RBMS3: variants seen among roughly 807,000 people sequenced by gnomAD.
The protein encoded by RBMS3 is RNA binding motif single stranded interacting protein 3.
RBMS3 carries 27 observed loss-of-function variants against 66.8 expected under a neutral mutation model. The ratio of observed to expected loss-of-function variants is 0.40; its 90% confidence interval spans 0.30 to 0.56. RBMS3 has a LOEUF of 0.56. RBMS3 is among the 20% of genes least tolerant of loss of function. RBMS3 has a pLI of 0.40. For synonymous variants in RBMS3, 188 were observed against 183.0 expected (o/e 1.03, Z -0.22); for missense variants, 513 against 549.5 (o/e 0.93, Z 0.66).
At chr3:29,372,077 C>T (rs766668708) in intron 1 of RBMS3, among the ~76,000 whole-genome samples, 8 of 152,048 alleles carry the variant, frequency 5.3e-5, no homozygotes, top group Admixed American at 1.3e-4. Flanking sequence ...AGGAAGACAC[C>T]GTAGAAGTGC....
At chr3:29,659,386 A>G (rs999738678) in intron 4 of RBMS3, among the ~76,000 whole-genome samples, 4 of 151,974 alleles carry the variant, frequency 2.6e-5, no homozygotes, top group Admixed American at 6.6e-5. Context: ...ATAATTCCCT[A>G]TTCCCCCATT....
chr3:29,491,638 G>T (rs1157785271), intron 3 of RBMS3, among the ~76,000 whole-genome samples: 1 of 152,174 alleles, frequency 6.6e-6, no homozygotes, highest in Non-Finnish European at 1.5e-5. Context: ...AGGGAAGGAG[G>T]AAAGACGGGG....
intron 10 of RBMS3, among the ~76,000 whole-genome samples, chr3:29,923,563 T>G (rs2060850501): frequency 6.6e-6 from 1 of 152,072 alleles, no homozygotes; most frequent in African/African-American, 2.4e-5. Flanking sequence ...TTCATTTCCT[T>G]GCCTATCCCA....
At chr3:29,957,005 A>G (rs1355189205) in intron 12 of RBMS3, among the ~76,000 whole-genome samples, 1 of 152,130 alleles carries the variant, frequency 6.6e-6, no homozygotes, top group Non-Finnish European at 1.5e-5. Flanking sequence ...GTAGATAAAC[A>G]TGAGCAAATC....
At chr3:29,522,563 G>A (rs902315764) in intron 3 of RBMS3, among the ~76,000 whole-genome samples, 8 of 152,156 alleles carry the variant, frequency 5.3e-5, no homozygotes, top group African/African-American at 1.7e-4. Context: ...CCTAGGTCTA[G>A]AGGATTGTGG....
At chr3:29,661,542 T>C (rs2050549622) in intron 4 of RBMS3, among the ~76,000 whole-genome samples, 1 of 151,964 alleles carries the variant, frequency 6.6e-6, no homozygotes, top group African/African-American at 2.4e-5. Flanking sequence ...CACTACTGTT[T>C]CTGTTAATAT....
intron 6 of RBMS3, among the ~76,000 whole-genome samples, chr3:29,831,109 A>G (rs2058359035): frequency 6.6e-6 from 1 of 152,188 alleles, no homozygotes; most frequent in African/African-American, 2.4e-5. Context: ...AGAACTTTTG[A>G]CTGCCTGAAA....
At chr3:29,452,848 G>A (rs1365483989) in intron 2 of RBMS3, among the ~76,000 whole-genome samples, 3 of 152,108 alleles carry the variant, frequency 2.0e-5, no homozygotes, top group African/African-American at 4.8e-5. Flanking sequence ...AGGTAAAGCT[G>A]GGTCCTCAAC....
intron 1 of RBMS3, among the ~76,000 whole-genome samples, chr3:29,283,625 T>C (rs142500532): frequency 9.9e-5 from 15 of 152,276 alleles, no homozygotes; most frequent in South Asian, 4.1e-4. Context: ...ACTCTCAAGC[T>C]AGCCAACACC....
Position 29,516,435 on chromosome 3 carries a change from G to GTT in RBMS3, c.307+27944_307+27945dup, listed in dbSNP as rs796090712. The stretch of plus-strand genomic sequence containing the variant: ...AAAGCCTGAAGACTATGGAGAGGAA[G>GTT]TTTTTTTTTGTTTGTTTTTGTTTTT... On this transcript the variant is annotated intron_variant, in intron 3 of 14. Transcript: ENST00000383767. Among the ~76,000 whole-genome samples, 4 of 151,350 alleles carry GTT rather than the reference G, an allele frequency of 2.6e-5. No homozygotes were observed. In the East Asian group the frequency reaches 7.8e-4, roughly 30 times the overall value.
intron 1 of RBMS3, among the ~76,000 whole-genome samples, chr3:29,303,883 G>A (rs974150411): frequency 6.6e-6 from 1 of 151,986 alleles, no homozygotes; most frequent in Admixed American, 6.6e-5. Context: ...GGTGGGAGGT[G>A]AAAGGCACTT....
chr3:29,404,684 G>C (rs925361639), intron 1 of RBMS3, among the ~76,000 whole-genome samples: 16 of 152,052 alleles, frequency 1.1e-4, no homozygotes, highest in Non-Finnish European at 1.8e-4. Context: ...GGATAATCAT[G>C]ATGAGTTAGC....
intron 4 of RBMS3, among the ~76,000 whole-genome samples, chr3:29,659,054 T>C (rs531892125): frequency 6.6e-6 from 1 of 152,220 alleles, no homozygotes; most frequent in South Asian, 2.1e-4. Flanking sequence ...CCTGACCTCG[T>C]AATCTGCCCG....
chr3:29,695,923 C>G (rs1447123644), intron 4 of RBMS3, among the ~76,000 whole-genome samples: 1 of 152,150 alleles, frequency 6.6e-6, no homozygotes, highest in Non-Finnish European at 1.5e-5. Context: ...GTTGTTTGAA[C>G]TGGTCAAATT....
chr3:29,523,095 G>C (rs2044930690), intron 3 of RBMS3, among the ~76,000 whole-genome samples: 2 of 152,148 alleles, frequency 1.3e-5, no homozygotes, highest in African/African-American at 4.8e-5. Flanking sequence ...GGAAACTGAA[G>C]CACAGTAACA....
At chr3:29,338,440 G>A (rs371592495) in intron 1 of RBMS3, among the ~76,000 whole-genome samples, 15 of 152,142 alleles carry the variant, frequency 9.9e-5, no homozygotes, top group African/African-American at 3.6e-4. Context: ...TAAAGGTTTA[G>A]AATAGTAGTT....
chr3:29,972,057 A>C (rs1440346012), intron 12 of RBMS3, among the ~76,000 whole-genome samples: 2 of 152,154 alleles, frequency 1.3e-5, no homozygotes, highest in East Asian at 3.8e-4. Flanking sequence ...TTTACCCCAC[A>C]ATTACATACT....
intron 2 of RBMS3, among the ~76,000 whole-genome samples, chr3:29,484,386 A>G (rs2043245913): frequency 6.6e-6 from 1 of 152,112 alleles, no homozygotes; most frequent in Non-Finnish European, 1.5e-5. Context: ...TTTTCTTGTA[A>G]ATGGCTGCCT....
At chr3:29,980,426 CTT>C (rs1278745107) in intron 12 of RBMS3, among the ~76,000 whole-genome samples, 2 of 152,164 alleles carry the variant, frequency 1.3e-5, no homozygotes, top group Non-Finnish European at 2.9e-5. Flanking sequence ...TGCAGAAACT[CTT>C]TAGTTTAATT....
Sources: gnomAD v4.1 joint callset for allele counts (sites outside exome capture counted in the v4.1 genomes callset) on GRCh38, gnomAD v4.1.1 for gene constraint, MANE v1.5 for transcripts, NCBI Gene and HGNC (gene_info 2026-07-23, HGNC 2026-07-21) for gene names.